The following THSD7B variants were observed in gnomAD, a reference collection of about 807,000 sequenced individuals.
THSD7B encodes thrombospondin type-1 domain-containing protein 7B.
THSD7B carries 138 observed loss-of-function variants against 213.6 expected under a neutral mutation model. The observed-to-expected ratio is 0.65, with a 90% CI of 0.56 to 0.74. The LOEUF (loss-of-function observed/expected upper bound fraction) is 0.74, where lower values mean the gene tolerates loss of function less well. Among genes scored for constraint, THSD7B ranks in the 30% least tolerant of loss-of-function variants. The pLI is 0.00. For synonymous variants in THSD7B, 742 were observed against 687.0 expected, an observed-to-expected ratio of 1.08 and a Z score of -1.25; for missense variants, 1,931 against 1,991.5, an observed-to-expected ratio of 0.97 and a Z score of 0.58.
intron 17 of THSD7B, among the ~76,000 whole-genome samples, chr2:137,574,177 A>T (rs1032724037): frequency 6.6e-5 from 10 of 152,224 alleles, no homozygotes; most frequent in South Asian, 4.1e-4. Flanking sequence ...TTGCCGTCTT[A>T]AGGTATCTGG....
chr2:136,968,397 G>T (rs1055983324), intron 2 of THSD7B, among the ~76,000 whole-genome samples: 1 of 151,900 alleles, frequency 6.6e-6, no homozygotes, highest in Non-Finnish European at 1.5e-5. Flanking sequence ...ATGTTTACTG[G>T]CGTTTTGGAT....
intron 12 of THSD7B, among the ~76,000 whole-genome samples, chr2:137,388,476 G>T (rs1230651667): frequency 1.3e-5 from 2 of 151,980 alleles, no homozygotes; most frequent in African/African-American, 4.8e-5. Context: ...TTGAGTCAGG[G>T]TATATATCAC....
intron 2 of THSD7B, among the ~76,000 whole-genome samples, chr2:136,924,213 C>T (rs1684484746): frequency 1.3e-5 from 2 of 152,174 alleles, no homozygotes; most frequent in African/African-American, 2.4e-5. Flanking sequence ...TTCTGAGTAG[C>T]TGGGATTACA....
chr2:137,076,915 G>A (rs1165435745), intron 3 of THSD7B, among the ~76,000 whole-genome samples: 1 of 151,642 alleles, frequency 6.6e-6, no homozygotes, highest in African/African-American at 2.4e-5. Flanking sequence ...ATGTTGGTGT[G>A]CTACACCCAT....
intron 2 of THSD7B, among the ~76,000 whole-genome samples, chr2:136,917,381 A>G (rs1244970748): frequency 1.3e-5 from 2 of 152,190 alleles, no homozygotes; most frequent in Non-Finnish European, 2.9e-5. Context: ...GCAGGAATGG[A>G]TGGGGCTGAT....
chr2:137,369,140 C>T (rs959499516), intron 12 of THSD7B, among the ~76,000 whole-genome samples: 5 of 19,166 alleles, frequency 2.6e-4, no homozygotes, highest in Admixed American at 2.1e-3. Context: ...GGAGGGGGGG[C>T]GGGGGGGACC....
chr2:136,852,209 T>C (rs1683109032), intron 1 of THSD7B, among the ~76,000 whole-genome samples: 1 of 151,952 alleles, frequency 6.6e-6, no homozygotes, highest in Non-Finnish European at 1.5e-5. Context: ...TCAGAGAGAT[T>C]CTGAGTAGGG....
intron 14 of THSD7B, among the ~76,000 whole-genome samples, chr2:137,425,491 A>G (rs1400330037): frequency 1.3e-5 from 2 of 152,200 alleles, no homozygotes; most frequent in Non-Finnish European, 2.9e-5. Context: ...TGTTGGGATT[A>G]CAGGCGTGAG....
intron 15 of THSD7B, among the ~76,000 whole-genome samples, chr2:137,462,517 C>G (rs763048076): frequency 6.6e-6 from 1 of 151,980 alleles, no homozygotes; most frequent in African/African-American, 2.4e-5. Context: ...GAATTCATGA[C>G]GAACAACTTT....
intron 1 of THSD7B, among the ~76,000 whole-genome samples, chr2:136,851,757 C>A (rs190424569): frequency 3.0e-4 from 46 of 152,092 alleles, no homozygotes; most frequent in African/African-American, 8.4e-4. Flanking sequence ...ATCGTTACAG[C>A]CTTTTTCTAC....
intron 2 of THSD7B, among the ~76,000 whole-genome samples, chr2:136,902,293 C>T (rs972167642): frequency 2.2e-4 from 33 of 152,116 alleles, no homozygotes; most frequent in Admixed American, 2.6e-4. Context: ...GAACTGACAC[C>T]GGAGATTAGC....
At chr2:137,500,542 TTA>T (rs1480986550) in intron 15 of THSD7B, among the ~76,000 whole-genome samples, 1 of 152,198 alleles carries the variant, frequency 6.6e-6, no homozygotes, top group African/African-American at 2.4e-5. Flanking sequence ...TCAGGCACAC[TTA>T]TGTTTACTTT....
At chr2:137,290,914 C>A (rs1227831692) in intron 12 of THSD7B, among the ~76,000 whole-genome samples, 3 of 152,080 alleles carry the variant, frequency 2.0e-5, no homozygotes, top group African/African-American at 7.2e-5. Context: ...GTAGTAACAT[C>A]CCACTGCTCC....
At chr2:137,172,036 T>G (rs1483304263) in intron 7 of THSD7B, among the ~76,000 whole-genome samples, 2 of 152,222 alleles carry the variant, frequency 1.3e-5, no homozygotes, top group African/African-American at 4.8e-5. Flanking sequence ...TGGTAACATA[T>G]GTGCAATTTA....
At chr2:136,782,835 G>C (rs923880423) in intron 1 of THSD7B, among the ~76,000 whole-genome samples, 15 of 152,018 alleles carry the variant, frequency 9.9e-5, no homozygotes, top group African/African-American at 3.4e-4. Flanking sequence ...CCATTCCACA[G>C]TGTGTATATA....
At chr2:137,193,821 C>T (rs991071834) in intron 7 of THSD7B, among the ~76,000 whole-genome samples, 1 of 151,540 alleles carries the variant, frequency 6.6e-6, no homozygotes, top group South Asian at 2.1e-4. Context: ...TTGAAGCATT[C>T]ACCTTCTCTT....
chr2:137,210,935 A>G (rs1681089421), intron 7 of THSD7B, among the ~76,000 whole-genome samples: 1 of 152,030 alleles, frequency 6.6e-6, no homozygotes, highest in African/African-American at 2.4e-5. Context: ...TTTTAGAATA[A>G]TTCATTTGGG....
chr2:136,945,442 T>C (rs2105065312), intron 2 of THSD7B, among the ~76,000 whole-genome samples: 1 of 152,348 alleles, frequency 6.6e-6, no homozygotes, highest in South Asian at 2.1e-4. Flanking sequence ...CTGACAATTA[T>C]GTGTCTTTGG....
At chr2:137,249,471 T>C (rs577761062) in intron 10 of THSD7B, among the ~76,000 whole-genome samples, 3 of 152,252 alleles carry the variant, frequency 2.0e-5, no homozygotes, top group South Asian at 2.1e-4. Flanking sequence ...CCAAGTAATA[T>C]CTGGTAGGGA....
Sources: gnomAD v4.1 joint callset for allele counts (sites outside exome capture counted in the v4.1 genomes callset) on GRCh38, gnomAD v4.1.1 for gene constraint, MANE v1.5 for transcripts, NCBI Gene and HGNC (gene_info 2026-07-23, HGNC 2026-07-21) for gene names.